PPT1: variants seen among roughly 807,000 people sequenced by gnomAD.
PPT1 encodes the protein palmitoyl-protein thioesterase 1, also known as ceroid-palmitoyl-palmitoyl-protein thioesterase 1.
In PPT1, 24 loss-of-function variants were observed where a neutral mutation model predicts 44.0. The ratio of observed to expected loss-of-function variants is 0.54; its 90% CI spans 0.39 to 0.77. The LOEUF is 0.77. Ranked by LOEUF, PPT1 falls within the 30% of genes least tolerant of loss-of-function variation. The probability of loss-of-function intolerance (pLI) is 0.00; values close to 1 mark genes in which losing one functional copy is unlikely to be tolerated. For missense variants in PPT1, 341 were observed against 378.8 expected, an observed-to-expected ratio of 0.90 and a Z score of 0.83; for synonymous variants, 148 against 140.2, an observed-to-expected ratio of 1.06 and a Z score of -0.39.
At chr1:40,089,714 CT>C in intron 4 of PPT1, 1 of 653,192 alleles carries the variant, frequency 1.5e-6, no homozygotes, top group South Asian at 1.5e-5. Flanking sequence ...GCCTAAGGAT[CT>C]TTTTACCTGC....
chr1:40,091,864 T>C (rs1217423267), intron 3 of PPT1, among the ~76,000 whole-genome samples, 181 bp downstream of exon 3: 4 of 115,104 alleles, frequency 3.5e-5, no homozygotes, highest in Non-Finnish European at 5.3e-5. Context: ...AAATTCTGTC[T>C]CAAAAAAAAA....
chr1:40,075,958 CAAAAAAAAAAA>C (rs56338772), intron 8 of PPT1, among the ~76,000 whole-genome samples: 51 of 41,850 alleles, frequency 1.2e-3, no homozygotes, highest in African/African-American at 5.3e-3. Context: ...AAGACTGTCT[CAAAAAAAAAAA>C]AAAAAAAAAA....
chr1:40,077,003 CAACAAAGTG>C, intron 7 of PPT1, 90 bp from the exon 8 acceptor site: 1 of 1,451,364 alleles, frequency 6.9e-7, no homozygotes, highest in South Asian at 1.1e-5. Flanking sequence ...CTAAAACTGC[CAACAAAGTG>C]AACATCATAA....
intron 6 of PPT1, 146 bp from the exon 7 acceptor site, chr1:40,078,804 G>A (rs762339825): frequency 5.5e-6 from 4 of 721,138 alleles, no homozygotes; most frequent in Non-Finnish European, 1.0e-5. Flanking sequence ...TTCCTGACCA[G>A]GATATACCTG....
At chr1:40,096,859 AT>A in intron 1 of PPT1, 1 of 590,646 alleles carries the variant, frequency 1.7e-6, no homozygotes, top group Non-Finnish European at 3.0e-6. Flanking sequence ...TACTGTAAGG[AT>A]TAATCAAGGA....
At chr1:40,075,459 A>G (rs1341088163) in intron 8 of PPT1, among the ~76,000 whole-genome samples, 1 of 145,960 alleles carries the variant, frequency 6.9e-6, no homozygotes, top group Non-Finnish European at 1.5e-5. Context: ...GGAAGTTCTT[A>G]GCTGTAATTT....
At chr1:40,077,692 C>T (rs1325259474) in intron 7 of PPT1, among the ~76,000 whole-genome samples, 2 of 152,040 alleles carry the variant, frequency 1.3e-5, no homozygotes, top group Non-Finnish European at 1.5e-5. Flanking sequence ...TCTAAAAAAG[C>T]GATCACATTC....
chr1:40,092,232 C>G (rs1649604724), intron 2 of PPT1, 60 bp from the exon 3 acceptor site: 4 of 1,606,974 alleles, frequency 2.5e-6, no homozygotes, highest in Admixed American at 3.3e-5. Context: ...CTGACATCTT[C>G]TCTAAGAGGT....
chr1:40,075,910 G>C (rs1648595152), intron 8 of PPT1, among the ~76,000 whole-genome samples: 1 of 127,090 alleles, frequency 7.9e-6, no homozygotes, highest in Non-Finnish European at 1.6e-5. Context: ...GCAGTGAGCT[G>C]AGATCACACC....
Position 40,075,618 on chromosome 1 carries a change from G to A in PPT1, c.798+1224C>T, listed in dbSNP as rs149584412. ...ATAACATGGAGGAATTCTAGTAGAC[G>A]GTGATTGGTTCAGATGTAGTACTTA... On this transcript the variant is annotated intron_variant, in intron 8 of 8. Coordinates refer to ENST00000642050, the MANE Select transcript of PPT1 (RefSeq NM_000310.4). 2.1e-3 allele frequency among the ~76,000 whole-genome samples: 316 copies of A among 152,018 alleles called. 1 individual carries two copies. The highest frequency in any genetic ancestry group is 7.2e-3 in the African/African-American group (297 of 41,432).
chr1:40,097,165 T>C lies in PPT1; in HGVS notation c.74A>G (p.Gln25Arg). Residue 25 changes from glutamine (Q) to arginine (R), a missense_variant, in exon 1 of 9, where the codon CAG becomes CGG. Coordinates refer to ENST00000642050, the MANE Select transcript of PPT1 (RefSeq NM_000310.4). ...CAGCGGCGCCGGCGGGTCCAGATGC[T>C]GCAGCGCCCGAGAAGCGCAGGTCCA... The part of the protein sequence containing the change: ...LPWTCASRAL[Q>R]HLDPPAPLPL... The C allele has an allele frequency of 6.2e-7, 1 of 1,614,072 alleles. No homozygotes were observed. The highest frequency in any genetic ancestry group is 8.5e-7 in the Non-Finnish European group (1 of 1,179,970).
At chr1:40,071,820 C>T (rs771460309), downstream of PPT1, 48 of 476,264 alleles carry the variant, frequency 1.0e-4, no homozygotes, top group Non-Finnish European at 1.6e-4. Flanking sequence ...TGCATTTTAG[C>T]TTTGAGCTTT....
At position 40,092,022 on chromosome 1, in the gene PPT1, C is replaced by A. The variant is rs537796837; in HGVS notation, c.362+23G>T. 5 of 1,613,368 alleles carry A rather than the reference C, an allele frequency of 3.1e-6. No individual in the cohort carries two copies. The African/African-American group carries it at 4.0e-5, about 13-fold the overall frequency. On this transcript the variant is annotated intron_variant, in intron 3 of 8. Coordinates refer to ENST00000642050, the MANE Select transcript of PPT1 (RefSeq NM_000310.4). The stretch of plus-strand genomic sequence containing the variant: ...AAAAATCAATTCCATATAAGTGGTA[C>A]AATATAACAAAAAGGAACGTACAGA...
intron 7 of PPT1, among the ~76,000 whole-genome samples, chr1:40,077,661 G>A (rs900699439): frequency 2.0e-5 from 3 of 152,212 alleles, no homozygotes; most frequent in African/African-American, 7.2e-5. Context: ...CGTGATGAGT[G>A]TTTTAACAGA....
intron 5 of PPT1, among the ~76,000 whole-genome samples, chr1:40,083,594 G>A (rs1459664712): frequency 6.6e-6 from 1 of 152,180 alleles, no homozygotes; most frequent in Non-Finnish European, 1.5e-5. Flanking sequence ...CTTCATGCCT[G>A]CCACAGCACA....
At chr1:40,092,657 C>A (rs2124488710) in intron 1 of PPT1, 150 bp from the exon 2 acceptor site, 1 of 692,216 alleles carries the variant, frequency 1.4e-6, no homozygotes, top group Admixed American at 2.3e-5. Context: ...CTGATAAGGG[C>A]TTAATATCCA....
rs561470016 is a variant in PPT1 at position 40,081,866 on chromosome 1, C to A, written c.537-1379G>T. Among the ~76,000 whole-genome samples, 12 of 152,224 alleles carry A rather than the reference C, an allele frequency of 7.9e-5. No homozygotes were observed. The South Asian group carries it at 2.5e-3, about 32-fold the overall frequency. ...GCAGAGGCTGGCACAGTTTGGAGGC[C>A]TCAGAAGAAGACAGGAAAATGTGGG... On this transcript the variant is annotated intron_variant, in intron 5 of 8. Coordinates refer to ENST00000642050, the MANE Select transcript of PPT1 (RefSeq NM_000310.4).
In PPT1 at chr1:40,072,773, C is replaced by T. The variant is rs973716244; in HGVS notation, c.*1288G>A. 1 of 150,060 alleles carries T rather than the reference C, an allele frequency of 6.7e-6. No homozygotes were observed. Among genetic ancestry groups the T allele is most frequent in the Non-Finnish European group, 1.5e-5 (1 of 68,020 alleles). 9.3% of individuals were successfully genotyped at this position (150,060 alleles called of 1,614,324 possible). Reference sequence around the variant, plus strand: ...ATTATTTTCACATCCCCCCCAACTTCTTGCTCTTAATCCTCATCTTTTAGT... The same window carrying T: ...ATTATTTTCACATCCCCCCCAACTTTTTGCTCTTAATCCTCATCTTTTAGT... On this transcript the variant is annotated 3_prime_UTR_variant, in exon 9 of 9. Transcript: ENST00000642050.
At chr1:40,074,292 A>G (rs1648457379) in intron 8 of PPT1, 109 bp from the exon 9 acceptor site, 3 of 1,385,928 alleles carry the variant, frequency 2.2e-6, no homozygotes, top group Non-Finnish European at 2.0e-6. Flanking sequence ...TGTCCTGAGT[A>G]TTAAAATTGA....
Sources: allele counts gnomAD v4.1 joint callset (sites outside exome capture counted in the v4.1 genomes callset), GRCh38; gene constraint gnomAD v4.1.1; transcripts MANE v1.5; gene names NCBI Gene and HGNC (gene_info 2026-07-23, HGNC 2026-07-21).